Variants in GALNTL6 observed in about 807,000 individuals in gnomAD.
GALNTL6 encodes the protein polypeptide N-acetylgalactosaminyltransferase-like 6.
A neutral mutation model predicts 73.7 loss-of-function variants in GALNTL6; 46 were observed. That is an observed-to-expected ratio of 0.62 (90% CI 0.49 to 0.80). GALNTL6 has a LOEUF of 0.80. GALNTL6 is among the 30% of genes least tolerant of loss of function. GALNTL6 has a pLI of 0.00. For synonymous variants in GALNTL6, 259 were observed against 263.7 expected (o/e 0.98, Z 0.17); for missense variants, 604 against 755.0 (o/e 0.80, Z 2.34).
At chr4:172,347,092 C>A (rs1169682252) in intron 4 of GALNTL6, among the ~76,000 whole-genome samples, 22 of 148,604 alleles carry the variant, frequency 1.5e-4, no homozygotes, top group Admixed American at 1.4e-3. Flanking sequence ...TGGGTTCAAG[C>A]GATTCTTTTG....
In GALNTL6 at chr4:172,062,036, C is replaced by T. The variant is rs1465832671; in HGVS notation, c.139-167620C>T. On this transcript the variant is annotated intron_variant, in intron 2 of 12. Transcript: ENST00000506823. ...CGATCTTGGCTCACTGCAACTTCTG[C>T]CCCCCCAGGTTCAAACGATTCTCCT... is the stretch of plus-strand genomic sequence containing the variant. Among the ~76,000 whole-genome samples, 7 of 148,866 alleles carry T rather than the reference C, an allele frequency of 4.7e-5. 1 individual carries two copies. The South Asian group carries it at 1.5e-3, about 31-fold the overall frequency.
At chr4:172,630,323 A>G (rs1739340067) in intron 5 of GALNTL6, among the ~76,000 whole-genome samples, 1 of 152,216 alleles carries the variant, frequency 6.6e-6, no homozygotes, top group Non-Finnish European at 1.5e-5. Context: ...AAATACTTGG[A>G]AATCTAAAAT....
intron 11 of GALNTL6, 95 bp from the exon 12 acceptor site, chr4:173,021,381 G>A: frequency 7.8e-7 from 1 of 1,275,180 alleles, no homozygotes; most frequent in African/African-American, 1.5e-5. Flanking sequence ...CAAAGCAGGA[G>A]TTCTACATTG....
chr4:172,004,890 T>C (rs1740788087), intron 2 of GALNTL6, among the ~76,000 whole-genome samples: 1 of 150,860 alleles, frequency 6.6e-6, no homozygotes, highest in Non-Finnish European at 1.5e-5. Context: ...AGTATTTTCT[T>C]GAAAAAAAAA....
At chr4:172,520,795 T>C (rs1734752827) in intron 5 of GALNTL6, among the ~76,000 whole-genome samples, 1 of 152,024 alleles carries the variant, frequency 6.6e-6, no homozygotes, top group African/African-American at 2.4e-5. Flanking sequence ...TACAGATCCA[T>C]TTACTATTTC....
chr4:172,763,084 C>T (rs2110833407), intron 5 of GALNTL6, among the ~76,000 whole-genome samples: 1 of 151,796 alleles, frequency 6.6e-6, no homozygotes, highest in South Asian at 2.1e-4. Flanking sequence ...AGAGCACTGT[C>T]ATCATACATC....
rs190247368 is a variant in GALNTL6 at position 172,638,115 on chromosome 4, C to T, written c.554-171246C>T. Among the ~76,000 whole-genome samples, 4 of 152,186 alleles carry T rather than the reference C, an allele frequency of 2.6e-5. No homozygotes were observed. The East Asian group carries it at 5.8e-4, about 22-fold the overall frequency. ...TCATTGTTGCAATAACTTCACTATTCGCAGAAGTGACTGAAAACCACACAC... is the reference window on the plus strand; with the variant it reads ...TCATTGTTGCAATAACTTCACTATTTGCAGAAGTGACTGAAAACCACACAC... On this transcript the variant is annotated intron_variant, in intron 5 of 12. Coordinates refer to ENST00000506823, the MANE Select transcript of GALNTL6 (RefSeq NM_001034845.3).
intron 2 of GALNTL6, among the ~76,000 whole-genome samples, chr4:171,826,393 T>A (rs1734826016): frequency 6.6e-6 from 1 of 152,200 alleles, no homozygotes; most frequent in African/African-American, 2.4e-5. Context: ...CTATCCAGAC[T>A]ATGAATCACA....
chr4:172,521,818 A>C (rs1165444884), intron 5 of GALNTL6, among the ~76,000 whole-genome samples: 1 of 152,224 alleles, frequency 6.6e-6, no homozygotes, highest in East Asian at 1.9e-4. Context: ...GACTGAAATA[A>C]AGTGAAATTA....
intron 5 of GALNTL6, among the ~76,000 whole-genome samples, chr4:172,597,175 C>T (rs1737887007): frequency 6.6e-6 from 1 of 152,120 alleles, no homozygotes; most frequent in South Asian, 2.1e-4. Context: ...TTCTTATGAG[C>T]TGGAGTCACA....
chr4:171,816,005 T>G (rs1213498623), intron 2 of GALNTL6: 1 of 152,176 alleles, frequency 6.6e-6, no homozygotes, highest in Non-Finnish European at 1.5e-5. Context: ...AATTCAACTT[T>G]GGTTTGAAGT....
chr4:171,998,259 C>T (rs888481107), intron 2 of GALNTL6, among the ~76,000 whole-genome samples: 6 of 152,080 alleles, frequency 3.9e-5, no homozygotes, highest in Non-Finnish European at 7.4e-5. Context: ...AATGTGTTTA[C>T]ATATAAAGAA....
chr4:172,095,811 G>C (rs1732335521), intron 2 of GALNTL6, among the ~76,000 whole-genome samples: 1 of 151,732 alleles, frequency 6.6e-6, no homozygotes. Flanking sequence ...TCTTTCTTTA[G>C]CTGTTGGAAG....
Position 172,546,171 on chromosome 4 carries a change from C to T in GALNTL6, c.553+197482C>T, listed in dbSNP as rs113935016. Among the ~76,000 whole-genome samples, 1,116 of 152,148 alleles carry T rather than the reference C, an allele frequency of 7.3e-3. 17 individuals carry two copies. The highest frequency in any genetic ancestry group is 0.025 in the African/African-American group (1,043 of 41,508). ...TCCCAGAAGTTAAATAACTTACTCA[C>T]CCATTACCACTCGGGAGAGAAGAAA... On this transcript the variant is annotated intron_variant, in intron 5 of 12. Transcript: ENST00000506823.
chr4:172,412,225 A>G (rs965142142), intron 5 of GALNTL6, among the ~76,000 whole-genome samples: 2 of 152,046 alleles, frequency 1.3e-5, no homozygotes, highest in African/African-American at 4.8e-5. Context: ...TCTATTTTTA[A>G]TAGAGACTGA....
At chr4:172,334,148 C>CTA (rs1741230407) in intron 4 of GALNTL6, among the ~76,000 whole-genome samples, 1 of 152,046 alleles carries the variant, frequency 6.6e-6, no homozygotes, top group Admixed American at 6.6e-5. Flanking sequence ...ACTTTGGTTA[C>CTA]TATAGCCTTG....
At chr4:172,106,667 A>G (rs997612045) in intron 2 of GALNTL6, among the ~76,000 whole-genome samples, 1 of 152,174 alleles carries the variant, frequency 6.6e-6, no homozygotes, top group African/African-American at 2.4e-5. Flanking sequence ...TAAATACTAA[A>G]ATAAATAAGA....
At chr4:172,837,488 A>G (rs1742971811) in intron 7 of GALNTL6, among the ~76,000 whole-genome samples, 1 of 152,236 alleles carries the variant, frequency 6.6e-6, no homozygotes, top group Non-Finnish European at 1.5e-5. Context: ...AGAGTCTATA[A>G]ATAGAAACTA....
At chr4:172,880,865 C>T (rs1265276794) in intron 7 of GALNTL6, among the ~76,000 whole-genome samples, 2 of 152,124 alleles carry the variant, frequency 1.3e-5, no homozygotes, top group Non-Finnish European at 2.9e-5. Flanking sequence ...AGATACACTG[C>T]ATGGGTTTTG....
Sources: gnomAD v4.1 joint callset for allele counts (sites outside exome capture counted in the v4.1 genomes callset) on GRCh38, gnomAD v4.1.1 for gene constraint, MANE v1.5 for transcripts, NCBI Gene and HGNC (gene_info 2026-07-23, HGNC 2026-07-21) for gene names.